The following DAP3 variants were observed in gnomAD, a reference collection of about 807,000 sequenced individuals.
DAP3 encodes the protein small ribosomal subunit protein mS29.
In DAP3, 28 loss-of-function variants were observed where a neutral mutation model predicts 51.9. That is an observed-to-expected ratio of 0.54 (90% CI 0.40 to 0.74). The LOEUF (loss-of-function observed/expected upper bound fraction) is 0.74. Ranked by LOEUF, DAP3 falls within the 30% of genes least tolerant of loss-of-function variation. The pLI is 0.00. For synonymous variants in DAP3, 170 were observed against 170.3 expected (o/e 1.00, Z 0.01); for missense variants, 458 against 483.5 (o/e 0.95, Z 0.49).
chr1:155,723,446 A>T (rs1333678754), intron 4 of DAP3, among the ~76,000 whole-genome samples: 1 of 152,114 alleles, frequency 6.6e-6, no homozygotes, highest in East Asian at 1.9e-4. Context: ...CTCCTGCCTC[A>T]GCCTCCCAAA....
At chr1:155,721,731 A>G (rs1446628833) in intron 4 of DAP3, 113 bp downstream of exon 4, 2 of 1,004,754 alleles carry the variant, frequency 2.0e-6, no homozygotes, top group African/African-American at 1.6e-5. Context: ...AATCTGAAAA[A>G]CAGAAATTCA....
chr1:155,695,182 T>C (rs768956143), intron 1 of DAP3, among the ~76,000 whole-genome samples: 28 of 152,208 alleles, frequency 1.8e-4, no homozygotes, highest in Non-Finnish European at 3.7e-4. Context: ...AAGTGTCTTT[T>C]TATATGTGTT....
At chr1:155,732,996 C>T (rs548731517) in intron 11 of DAP3, among the ~76,000 whole-genome samples, 24 of 152,236 alleles carry the variant, frequency 1.6e-4, no homozygotes, top group Admixed American at 1.0e-3. Flanking sequence ...TGCACTACAG[C>T]GTGGGTGACA....
Position 155,689,284 on chromosome 1 carries a change from G to A in DAP3, c.-8+110G>A, listed in dbSNP as rs369012638. The stretch of plus-strand genomic sequence containing the variant: ...GGTAGACCGGCGCGCCTCCGGGGGG[G>A]ATTCCTCCCGGGCGTTGAGTTGCCA... On this transcript the variant is annotated intron_variant, in intron 1 of 12. Coordinates refer to ENST00000368336, the MANE Select transcript of DAP3 (RefSeq NM_004632.4). 464 of 643,054 alleles carry A rather than the reference G, an allele frequency of 7.2e-4. 3 individuals are homozygous for A. Among genetic ancestry groups the A allele is most frequent in the South Asian group, 6.8e-3 (453 of 66,232 alleles). The allele number at this position is 643,054 out of a possible 1,614,324, so 39.8% of individuals were successfully genotyped here.
intron 6 of DAP3, 116 bp downstream of exon 6, chr1:155,726,135 T>A: frequency 4.6e-6 from 4 of 874,576 alleles, no homozygotes; most frequent in Non-Finnish European, 6.7e-6. Flanking sequence ...TTTTTTGAGA[T>A]GGAGTTTCGC....
intron 5 of DAP3, 74 bp downstream of exon 5, chr1:155,725,564 A>G: frequency 7.1e-7 from 1 of 1,415,682 alleles, no homozygotes; most frequent in Non-Finnish European, 1.0e-6. Context: ...AGAAGAAATG[A>G]AAAAAAGTAC....
intron 1 of DAP3, 82 bp downstream of exon 1, chr1:155,689,256 G>A (rs1279235617): frequency 5.9e-6 from 4 of 673,292 alleles, no homozygotes; most frequent in Non-Finnish European, 1.1e-5. Context: ...AGGGAGTGAG[G>A]CCGGTAGACC....
Position 155,692,194 on chromosome 1 carries a change from C to T in DAP3, c.-8+3020C>T, listed in dbSNP as rs1653911354. 1.4e-5 allele frequency among the ~76,000 whole-genome samples: 2 copies of T among 141,458 alleles called. 1 individual carries two copies. The highest frequency in any genetic ancestry group is 6.5e-5 in the African/African-American group (2 of 30,980). The allele number at this position is 141,458 out of a possible 152,430, so 92.8% of individuals were successfully genotyped here. On this transcript the variant is annotated intron_variant, in intron 1 of 12. Transcript: ENST00000368336. ...GCCACATTCCAGTGCTTCAGAGGAG[C>T]GTCTTTCTTCTTGAGCACAGTGTTT...
At chr1:155,689,971 G>GAATTTAA in intron 1 of DAP3, among the ~76,000 whole-genome samples, 1 of 122,166 alleles carries the variant, frequency 8.2e-6, no homozygotes, top group African/African-American at 7.6e-5. Context: ...CCTAGGCATA[G>GAATTTAA]GGAAGGTGCA....
intron 2 of DAP3, among the ~76,000 whole-genome samples, chr1:155,710,767 A>G (rs2686262): frequency 1.2e-4 from 19 of 152,296 alleles, no homozygotes; most frequent in South Asian, 4.1e-4. Context: ...TGCAAAGCCC[A>G]CACGAGATGC....
chr1:155,691,436 G>A (rs1356562283), intron 1 of DAP3, among the ~76,000 whole-genome samples: 1 of 141,916 alleles, frequency 7.0e-6, no homozygotes, highest in Admixed American at 6.6e-5. Context: ...ACTTTGTTTC[G>A]TATTGCCAAA....
chr1:155,709,423 G>T (rs1279828331), intron 1 of DAP3, among the ~76,000 whole-genome samples: 1 of 152,160 alleles, frequency 6.6e-6, no homozygotes, highest in African/African-American at 2.4e-5. Flanking sequence ...TCCTCCCAAA[G>T]TGTGGGGATT....
chr1:155,731,407 A>G lies in DAP3; in HGVS notation c.895A>G (p.Asn299Asp). Residue 299 changes from asparagine (N) to aspartate (D), a missense_variant, in exon 10 of 13, where the codon AAT becomes GAT. Coordinates refer to ENST00000368336, the MANE Select transcript of DAP3 (RefSeq NM_004632.4). ...TCACAACTTGAGGAAAATGATGAAA[A>G]ATGATTGGGTAAGTGCATATGATAC... ...LVHNLRKMMK[N>D]DWHGGAIVSA... is the part of the protein sequence containing the mutation. The G allele has an allele frequency of 6.2e-7, 1 of 1,614,060 alleles. No homozygotes were observed. Among genetic ancestry groups the G allele is most frequent in the East Asian group, 2.2e-5 (1 of 44,878 alleles).
At chr1:155,716,948 C>T (rs1165877031) in intron 2 of DAP3, 58 bp from the exon 3 acceptor site, 1 of 1,000,594 alleles carries the variant, frequency 1.0e-6, no homozygotes, top group Admixed American at 2.9e-5. Context: ...AACTCCATCT[C>T]AAAAAAAAAA....
intron 1 of DAP3, among the ~76,000 whole-genome samples, chr1:155,696,507 G>A (rs1654528124): frequency 6.6e-6 from 1 of 152,174 alleles, no homozygotes; most frequent in Admixed American, 6.5e-5. Context: ...GAGGCTTAAT[G>A]GCTCTATCTT....
intron 2 of DAP3, among the ~76,000 whole-genome samples, chr1:155,713,207 G>A (rs1656926660): frequency 6.6e-6 from 1 of 152,180 alleles, no homozygotes; most frequent in South Asian, 2.1e-4. Flanking sequence ...AGGACACAAT[G>A]ACACAAGTTA....
At chr1:155,722,494 T>C (rs554978087) in intron 4 of DAP3, among the ~76,000 whole-genome samples, 3 of 152,104 alleles carry the variant, frequency 2.0e-5, no homozygotes, top group South Asian at 4.2e-4. Context: ...GGTGGGAGGA[T>C]TGTTTGAGCG....
chr1:155,730,179 AT>A (rs1557797604), intron 9 of DAP3, among the ~76,000 whole-genome samples: 37 of 147,904 alleles, frequency 2.5e-4, no homozygotes, highest in Non-Finnish European at 3.6e-4. Flanking sequence ...ATGTTCATAT[AT>A]GTATATATAA....
At position 155,721,611 on chromosome 1, in the gene DAP3, T is replaced by C. The variant is rs779146216; in HGVS notation, c.263T>C (p.Val88Ala). The change falls in exon 4 of 13, where the codon GTG becomes GCG. Residue 88 changes from valine to alanine, a missense_variant. Physicochemically the swap from Val to Ala is moderately conservative, Grantham distance 64. Transcript: ENST00000368336. ...CCCCATGGCCTTCCTCCTCGCTTTGTGATGCAGGTGCTCAAGACAGGGAAT... is the reference window on the plus strand; with the variant it reads ...CCCCATGGCCTTCCTCCTCGCTTTGCGATGCAGGTGCTCAAGACAGGGAAT... Reference protein sequence around the residue: ...VFPHGLPPRFVMQVKTFSEAC... With the variant: ...VFPHGLPPRFAMQVKTFSEAC... The C allele has an allele frequency of 3.7e-6, 6 of 1,614,050 alleles. No homozygotes were observed. Among genetic ancestry groups the C allele is most frequent in the Non-Finnish European group, 5.1e-6 (6 of 1,179,998 alleles).
Sources: allele counts gnomAD v4.1 joint callset (sites outside exome capture counted in the v4.1 genomes callset), GRCh38; gene constraint gnomAD v4.1.1; transcripts MANE v1.5; gene names NCBI Gene and HGNC (gene_info 2026-07-23, HGNC 2026-07-21).